EFCAB10: variants seen among roughly 807,000 people sequenced by gnomAD.
EFCAB10 encodes EF-hand calcium binding domain 10, also known as EF-hand calcium-binding domain-containing protein 10.
In EFCAB10, 7 loss-of-function variants were observed where a neutral mutation model predicts 7.7. The ratio of observed to expected loss-of-function variants is 0.91; its 90% confidence interval spans 0.52 to 1.72. The LOEUF (loss-of-function observed/expected upper bound fraction) is 1.72. Ranked by LOEUF, EFCAB10 falls within the 40% of genes most tolerant of loss-of-function variation. EFCAB10 has a pLI of 0.00. For missense variants in EFCAB10, 112 were observed against 61.5 expected, an observed-to-expected ratio of 1.82 and a Z score of -2.74; for synonymous variants, 52 against 21.0, an observed-to-expected ratio of 2.47 and a Z score of -4.03.
intron 1 of EFCAB10, among the ~76,000 whole-genome samples, chr7:105,579,266 C>T (rs1169703043): frequency 2.0e-5 from 3 of 152,034 alleles, no homozygotes; most frequent in East Asian, 1.9e-4. Flanking sequence ...GGCGAGGAGT[C>T]GTCTTAGGAT....
chr7:105,574,126 A>G (rs2893605), intron 1 of EFCAB10, among the ~76,000 whole-genome samples: 17 of 242 alleles, frequency 0.07, no homozygotes, highest in South Asian at 0.41. Context: ...ATGTGTGTGT[A>G]TATATATATA....
At chr7:105,579,194 G>C (rs1792162237) in intron 1 of EFCAB10, among the ~76,000 whole-genome samples, 1 of 152,232 alleles carries the variant, frequency 6.6e-6, no homozygotes, top group Admixed American at 6.5e-5. Flanking sequence ...CCAGAAGAAA[G>C]CGGTAAAGCA....
chr7:105,568,339 T>G (rs1257882588), intron 3 of EFCAB10, among the ~76,000 whole-genome samples: 1 of 152,200 alleles, frequency 6.6e-6, no homozygotes, highest in East Asian at 1.9e-4. Flanking sequence ...TTGAGCTAGA[T>G]TCCCTGGAAA....
chr7:105,565,245 A>G lies in EFCAB10; in HGVS notation c.*202T>C, dbSNP rs1183493900. On this transcript the variant is annotated 3_prime_UTR_variant, in exon 5 of 5. Coordinates refer to ENST00000480514, the MANE Select transcript of EFCAB10 (RefSeq NM_001355526.2). Reference sequence around the variant, plus strand: ...AAAACTTGAAAAATAGAAACTGATGAAAATTTTTTGGTAAAAATGTGTTTT... The same window carrying G: ...AAAACTTGAAAAATAGAAACTGATGGAAATTTTTTGGTAAAAATGTGTTTT... 1.3e-6 allele frequency: 2 copies of G among 1,563,392 alleles called. No individual in the cohort carries two copies. The highest frequency in any genetic ancestry group is 1.4e-5 in the African/African-American group (1 of 72,718).
intron 1 of EFCAB10, among the ~76,000 whole-genome samples, chr7:105,574,124 GTATATA>G (rs4006347): frequency 0.1 from 14,775 of 147,842 alleles, 921 homozygotes; most frequent in African/African-American, 0.16. Context: ...CAATGTGTGT[GTATATA>G]TATATATATA....
At chr7:105,570,873 A>C (rs1160137557) in intron 1 of EFCAB10, among the ~76,000 whole-genome samples, 2 of 152,008 alleles carry the variant, frequency 1.3e-5, no homozygotes, top group Non-Finnish European at 2.9e-5. Flanking sequence ...AAAATACAAA[A>C]ACTTAGCCGG....
chr7:105,565,343 G>A lies in EFCAB10; in HGVS notation c.*104C>T, dbSNP rs1265891367. ...CCCTGTCCAGTTCGGCTTGCCCGTTGCTGCTGACGTTACGAGACCATTTAC... is the reference window on the plus strand; with the variant it reads ...CCCTGTCCAGTTCGGCTTGCCCGTTACTGCTGACGTTACGAGACCATTTAC... On this transcript the variant is annotated 3_prime_UTR_variant, in exon 5 of 5. Transcript: ENST00000480514. The A allele has an allele frequency of 2.5e-6, 4 of 1,614,194 alleles. No homozygotes were observed. The East Asian group carries it at 6.7e-5, about 27-fold the overall frequency.
Position 105,569,192 on chromosome 7 carries a change from A to C in EFCAB10, c.359+11T>G, listed in dbSNP as rs975298868. On this transcript the variant is annotated intron_variant, in intron 3 of 4. Coordinates refer to ENST00000480514, the MANE Select transcript of EFCAB10 (RefSeq NM_001355526.2). ...CTTATTAAAATATTTGTCACTTAAA[A>C]ATAAACTTACACTTCCTCCTTGAAT... 14 of 699,820 alleles carry C rather than the reference A, an allele frequency of 2.0e-5. No individual in the cohort carries two copies. In the African/African-American group the frequency reaches 2.3e-4, roughly 11 times the overall value. 43.4% of individuals were successfully genotyped at this position (699,820 alleles called of 1,614,324 possible).
At chr7:105,566,065 C>T (rs1215323659) in intron 4 of EFCAB10, among the ~76,000 whole-genome samples, 4 of 151,610 alleles carry the variant, frequency 2.6e-5, no homozygotes, top group East Asian at 1.9e-4. Context: ...GTCAGGAGAT[C>T]GAGACCATCC....
At chr7:105,581,257 G>A in intron 1 of EFCAB10, 101 bp downstream of exon 1, 1 of 655,342 alleles carries the variant, frequency 1.5e-6, no homozygotes. Flanking sequence ...GGGCTCACGT[G>A]GCTGGGAGGC....
chr7:105,569,857 G>C (rs1791890843), intron 1 of EFCAB10, among the ~76,000 whole-genome samples: 1 of 151,942 alleles, frequency 6.6e-6, no homozygotes, highest in Admixed American at 6.6e-5. Flanking sequence ...TTGCAGACAG[G>C]GTTGAAAACC....
chr7:105,573,308 G>A (rs1404631193), intron 1 of EFCAB10: 2 of 152,066 alleles, frequency 1.3e-5, no homozygotes, highest in Admixed American at 1.3e-4. Flanking sequence ...CTTCTTCCTG[G>A]ACCATATATC....
rs1395929768 is a variant in EFCAB10, at chr7:105,570,875, CTT to C, written c.107-1306_107-1305del. Among the ~76,000 whole-genome samples, 12 of 152,042 alleles carry C rather than the reference CTT, an allele frequency of 7.9e-5. No individual in the cohort carries two copies. In the East Asian group the frequency reaches 2.1e-3, roughly 27 times the overall value. ...CCGTTCTCTACTAAAAATACAAAAA[CTT>C]AGCCGGGCGTGGTGACGGGTGCCTG... On this transcript the variant is annotated intron_variant, in intron 1 of 4. Coordinates refer to ENST00000480514, the MANE Select transcript of EFCAB10 (RefSeq NM_001355526.2).
rs1562864115 is a variant in EFCAB10, at chr7:105,567,206, TC to T, written c.383+260del. The T allele has an allele frequency of 2.5e-6, 4 of 1,613,002 alleles. No individual in the cohort carries two copies. Among genetic ancestry groups the T allele is most frequent in the Non-Finnish European group, 3.4e-6 (4 of 1,179,486 alleles). The stretch of plus-strand genomic sequence containing the variant: ...TACTGCAGTCAGCTTCAGGGCAGCT[TC>T]CTGCCACAGCAGCATTAAATGAAGT... On this transcript the variant is annotated intron_variant, in intron 4 of 4. Coordinates refer to ENST00000480514, the MANE Select transcript of EFCAB10 (RefSeq NM_001355526.2).
rs1216784476 is a variant in EFCAB10, at chr7:105,580,831, AT to A, written c.106+526del. ...ACTCCCAAATTACAAAACGATTCAA[AT>A]TTTGTAGGGGGTTCAGATGTGTAAA... On this transcript the variant is annotated intron_variant, in intron 1 of 4. Coordinates refer to ENST00000480514, the MANE Select transcript of EFCAB10 (RefSeq NM_001355526.2). 1.1e-4 allele frequency among the ~76,000 whole-genome samples: 16 copies of A among 152,106 alleles called. 1 individual carries two copies. Among genetic ancestry groups the A allele is most frequent in the Admixed American group, 1.0e-3 (16 of 15,272 alleles).
At chr7:105,570,268 T>TATATATATATATACAC (rs1188257284) in intron 1 of EFCAB10, among the ~76,000 whole-genome samples, 3 of 66,460 alleles carry the variant, frequency 4.5e-5, no homozygotes, top group African/African-American at 1.3e-4. Context: ...TATATATATA[T>TATATATATATATACAC]ACACACACAC....
At chr7:105,571,425 G>A (rs1172452311) in intron 1 of EFCAB10, 1 of 152,192 alleles carries the variant, frequency 6.6e-6, no homozygotes, top group African/African-American at 2.4e-5. Flanking sequence ...ACTGTTAACA[G>A]GAGATGAAAC....
intron 1 of EFCAB10, among the ~76,000 whole-genome samples, chr7:105,574,260 T>TATATAC (rs1416081978): frequency 2.7e-5 from 4 of 150,508 alleles, no homozygotes; most frequent in African/African-American, 9.8e-5. Flanking sequence ...TATATATATA[T>TATATAC]ATACATATAC....
intron 4 of EFCAB10, 137 bp downstream of exon 4, chr7:105,567,330 T>A: frequency 6.5e-7 from 1 of 1,545,490 alleles, no homozygotes; most frequent in Non-Finnish European, 8.8e-7. Flanking sequence ...AGAAAAAGGT[T>A]TCTTTGGTTT....
Sources: gnomAD v4.1 joint callset for allele counts (sites outside exome capture counted in the v4.1 genomes callset) on GRCh38, gnomAD v4.1.1 for gene constraint, MANE v1.5 for transcripts, NCBI Gene and HGNC (gene_info 2026-07-23, HGNC 2026-07-21) for gene names.